Variants in SLC8A1 observed in about 807,000 individuals in gnomAD.
SLC8A1 encodes the protein sodium/calcium exchanger 1.
Under a neutral mutation model 68.3 loss-of-function variants are expected in SLC8A1, and 18 were observed. That is an observed-to-expected ratio of 0.26 (90% confidence interval 0.18 to 0.39). The LOEUF is 0.39. SLC8A1 is among the 10% of genes least tolerant of loss of function. The pLI is 1.00. For synonymous variants in SLC8A1, 475 were observed against 415.5 expected (o/e 1.14, Z -1.74); for missense variants, 985 against 1,156.7 (o/e 0.85, Z 2.15).
At chr2:40,223,224 G>T (rs2058565872) in intron 2 of SLC8A1, among the ~76,000 whole-genome samples, 1 of 152,188 alleles carries the variant, frequency 6.6e-6, no homozygotes, top group African/African-American at 2.4e-5. Context: ...CAGGGACATG[G>T]ATGAAGTTGG....
At chr2:40,139,506 G>A (rs1253438485) in exon 7 of SLC8A1, 2 of 1,614,216 alleles carry the variant, frequency 1.2e-6, no homozygotes. Flanking sequence ...AAAGCTGTCA[G>A]TAGGCCAATC....
chr2:40,492,164 G>A (rs1400811607), intron 1 of SLC8A1, among the ~76,000 whole-genome samples: 2 of 152,030 alleles, frequency 1.3e-5, no homozygotes, highest in Admixed American at 1.3e-4. Flanking sequence ...CAATGGAACA[G>A]AACAGAGCCC....
rs556609443 is a variant in SLC8A1 at position 40,465,739 on chromosome 2, A to G, written c.-24-35435T>C. Among the ~76,000 whole-genome samples, 75 of 152,298 alleles carry G rather than the reference A, an allele frequency of 4.9e-4. No individual in the cohort carries two copies. The Middle Eastern group carries it at 0.01, about 21-fold the overall frequency. ...GTGCGATAGCGTATTTTTTTATACA[A>G]GGAGTACTATGGTCTGAATGTGTCC... is the stretch of plus-strand genomic sequence containing the variant. On this transcript the variant is annotated intron_variant, in intron 1 of 7. Coordinates refer to the SLC8A1 transcript ENST00000402441.
intron 1 of SLC8A1, among the ~76,000 whole-genome samples, chr2:40,461,481 CAT>C (rs1438175862): frequency 2.0e-5 from 3 of 152,280 alleles, no homozygotes; most frequent in East Asian, 1.9e-4. Context: ...CTTTCTATGA[CAT>C]AGAACTGACT....
At chr2:40,244,682 C>G (rs2148986208) in intron 2 of SLC8A1, among the ~76,000 whole-genome samples, 1 of 151,588 alleles carries the variant, frequency 6.6e-6, no homozygotes, top group South Asian at 2.1e-4. Flanking sequence ...CTGGATATTT[C>G]TAAGTGAGAA....
intron 2 of SLC8A1, among the ~76,000 whole-genome samples, chr2:40,194,506 T>TGTGTGC (rs963279052): frequency 4.2e-4 from 55 of 131,824 alleles, no homozygotes; most frequent in African/African-American, 1.4e-3. Flanking sequence ...TGTGTGTGTG[T>TGTGTGC]GCGCGCGCAA....
At chr2:40,302,073 G>GTGTGTGTGTGTGTGTGT (rs1211280078) in intron 2 of SLC8A1, among the ~76,000 whole-genome samples, 4 of 142,760 alleles carry the variant, frequency 2.8e-5, no homozygotes, top group African/African-American at 5.4e-5. Context: ...GTGTGTGTGT[G>GTGTGTGTGTGTGTGTGT]TTTAGTAGAG....
chr2:40,229,801 C>G (rs2059427131), intron 2 of SLC8A1, among the ~76,000 whole-genome samples: 1 of 152,052 alleles, frequency 6.6e-6, no homozygotes, highest in South Asian at 2.1e-4. Flanking sequence ...GTGCTTGGTT[C>G]TTTAAAAAAC....
intron 2 of SLC8A1, among the ~76,000 whole-genome samples, chr2:40,311,632 A>G (rs185717883): frequency 6.6e-6 from 1 of 152,116 alleles, no homozygotes; most frequent in Non-Finnish European, 1.5e-5. Context: ...GGACATCCAT[A>G]AAGTATTGAC....
intron 1 of SLC8A1, among the ~76,000 whole-genome samples, chr2:40,499,207 TG>T (rs748765617): frequency 9.4e-4 from 143 of 152,230 alleles, no homozygotes; most frequent in Middle Eastern, 6.8e-3. Context: ...AGTTCATCTC[TG>T]TGCTGCGTTT....
chr2:40,250,012 T>C (rs1403967591), intron 2 of SLC8A1, among the ~76,000 whole-genome samples: 1 of 152,228 alleles, frequency 6.6e-6, no homozygotes, highest in Non-Finnish European at 1.5e-5. Flanking sequence ...GGTGTATGTA[T>C]GTGTGAGATA....
intron 2 of SLC8A1, among the ~76,000 whole-genome samples, chr2:40,383,790 T>A (rs1323076140): frequency 1.3e-5 from 2 of 152,146 alleles, no homozygotes; most frequent in African/African-American, 4.8e-5. Flanking sequence ...GACTGTGGTA[T>A]ATGAGATGCA....
intron 6 of SLC8A1, among the ~76,000 whole-genome samples, chr2:40,158,070 C>T (rs774758105): frequency 6.6e-6 from 1 of 152,030 alleles, no homozygotes; most frequent in African/African-American, 2.4e-5. Context: ...TTTTGTTTAG[C>T]GAGATATATT....
At chr2:40,450,332 GAGAA>G (rs1702201287) in intron 1 of SLC8A1, among the ~76,000 whole-genome samples, 1 of 148,958 alleles carries the variant, frequency 6.7e-6, no homozygotes, top group South Asian at 2.1e-4. Context: ...AGCTTTGAGA[GAGAA>G]AGAGAAAGCA....
chr2:40,367,836 AC>A (rs1353951236), intron 2 of SLC8A1, among the ~76,000 whole-genome samples: 1 of 152,054 alleles, frequency 6.6e-6, no homozygotes, highest in East Asian at 1.9e-4. Flanking sequence ...AACACCACTG[AC>A]TCACATGAAG....
At chr2:40,409,078 T>A (rs562138646) in intron 2 of SLC8A1, among the ~76,000 whole-genome samples, 30 of 152,310 alleles carry the variant, frequency 2.0e-4, no homozygotes, top group Non-Finnish European at 3.4e-4. Flanking sequence ...AAGACAGACC[T>A]GTAAAGTGCT....
intron 2 of SLC8A1, among the ~76,000 whole-genome samples, chr2:40,278,415 G>A (rs1437174843): frequency 6.6e-6 from 1 of 152,116 alleles, no homozygotes; most frequent in African/African-American, 2.4e-5. Flanking sequence ...GTGGCAGTGA[G>A]CCAAGATCGC....
chr2:40,275,349 A>C (rs2066566911), intron 2 of SLC8A1, among the ~76,000 whole-genome samples: 1 of 152,216 alleles, frequency 6.6e-6, no homozygotes, highest in East Asian at 1.9e-4. Flanking sequence ...TCCTTAACTT[A>C]TGTTAAGGAT....
At chr2:40,097,385 A>G (rs1027775222) in exon 8 of SLC8A1, 2 of 152,052 alleles carry the variant, frequency 1.3e-5, no homozygotes, top group Non-Finnish European at 2.9e-5. Flanking sequence ...AACTTCACAG[A>G]TTACAGTTTA....
Sources: gnomAD v4.1 joint callset for allele counts (sites outside exome capture counted in the v4.1 genomes callset) on GRCh38, gnomAD v4.1.1 for gene constraint, MANE v1.5 for transcripts, NCBI Gene and HGNC (gene_info 2026-07-23, HGNC 2026-07-21) for gene names.